The following EDA variants were observed in gnomAD, a reference collection of about 807,000 sequenced individuals.
EDA encodes the protein ectodysplasin A, also known as ectodysplasin-A.
EDA carries 2 observed loss-of-function variants against 23.6 expected under a neutral mutation model. The ratio of observed to expected loss-of-function variants is 0.08; its 90% CI spans 0.03 to 0.27. The LOEUF (loss-of-function observed/expected upper bound fraction) is 0.27, where lower values mean the gene tolerates loss of function less well. Ranked by LOEUF, EDA falls within the 10% of genes least tolerant of loss-of-function variation. The probability of loss-of-function intolerance (pLI) is 1.00; values close to 1 mark genes in which losing one functional copy is unlikely to be tolerated. For synonymous variants in EDA, 131 were observed against 132.0 expected, an observed-to-expected ratio of 0.99 and a Z score of 0.05; for missense variants, 229 against 324.2, an observed-to-expected ratio of 0.71 and a Z score of 2.26.
intron 1 of EDA, among the ~76,000 whole-genome samples, chrX:69,679,348 G>C (rs1202875838): frequency 1.1e-4 from 12 of 107,084 alleles, no homozygotes; most frequent in Non-Finnish European, 1.9e-5. Flanking sequence ...AAATGAGTTA[G>C]GGAGGATTCC....
intron 1 of EDA, among the ~76,000 whole-genome samples, chrX:69,742,386 T>C (rs1429621249): frequency 2.7e-5 from 3 of 111,869 alleles, no homozygotes; most frequent in African/African-American, 9.8e-5. Context: ...TCTGTTACAC[T>C]GATCTGGGGA....
chrX:69,709,270 G>A (rs2011869088), intron 1 of EDA, among the ~76,000 whole-genome samples: 1 of 112,143 alleles, frequency 8.9e-6, no homozygotes, highest in African/African-American at 3.2e-5. Context: ...GTGTGCTTCA[G>A]ACCATCTGCA....
At chrX:69,836,072 A>G (rs908341575) in intron 1 of EDA, among the ~76,000 whole-genome samples, 2 of 111,754 alleles carry the variant, frequency 1.8e-5, no homozygotes, top group Non-Finnish European at 3.8e-5. Context: ...ATTGCAGAAC[A>G]GCAAATATTG....
intron 1 of EDA, among the ~76,000 whole-genome samples, chrX:69,636,552 C>A (rs1358070771): frequency 9.2e-6 from 1 of 109,210 alleles, no homozygotes; most frequent in Non-Finnish European, 1.9e-5. Flanking sequence ...AACCCCTCTG[C>A]TAAACCCCTT....
intron 2 of EDA, among the ~76,000 whole-genome samples, chrX:69,972,052 G>A (rs2019255342): frequency 9.1e-6 from 1 of 110,418 alleles, no homozygotes; most frequent in Admixed American, 9.6e-5. Context: ...TGAGGGAGAA[G>A]CCTTCAGGCT....
At chrX:69,789,155 G>T (rs774195634) in intron 1 of EDA, among the ~76,000 whole-genome samples, 20 of 112,176 alleles carry the variant, frequency 1.8e-4, no homozygotes, top group African/African-American at 6.5e-4. Context: ...TTGGGCTCAT[G>T]CATGGTGCGT....
intron 1 of EDA, among the ~76,000 whole-genome samples, chrX:69,667,053 C>T (rs1933705315): frequency 9.1e-6 from 1 of 109,688 alleles, no homozygotes; most frequent in Non-Finnish European, 1.9e-5. Flanking sequence ...TTTATTTCCT[C>T]TAGGTTATCC....
At chrX:69,834,228 T>C (rs1356411023) in intron 1 of EDA, among the ~76,000 whole-genome samples, 1 of 110,756 alleles carries the variant, frequency 9.0e-6, no homozygotes, top group Admixed American at 9.7e-5. Context: ...GTCCGCTTGT[T>C]GCAGAGCTGA....
chrX:70,029,053 A>C (rs999166031), intron 4 of EDA, among the ~76,000 whole-genome samples: 1 of 112,831 alleles, frequency 8.9e-6, no homozygotes, highest in Non-Finnish European at 1.9e-5. Flanking sequence ...ATATTGATAC[A>C]TGGTCCCTTT....
In EDA at chrX:70,018,519, G is replaced by A. The variant is rs137974256; in HGVS notation, c.503-4699G>A. On this transcript the variant is annotated intron_variant, in intron 2 of 7. Coordinates refer to ENST00000374552, the MANE Select transcript of EDA (RefSeq NM_001399.5). The stretch of plus-strand genomic sequence containing the variant: ...ACAATGGAATAGAATAGGTAGCCCA[G>A]AAATAATGTCACACACCTATGACCA... Among the ~76,000 whole-genome samples the A allele has an allele frequency of 4.9e-3, 547 of 111,617 alleles. 4 individuals are homozygous for A. Among genetic ancestry groups the A allele is most frequent in the African/African-American group, 0.017 (527 of 30,704 alleles).
At chrX:69,995,793 T>C (rs1305817979) in intron 2 of EDA, among the ~76,000 whole-genome samples, 1 of 112,580 alleles carries the variant, frequency 8.9e-6, no homozygotes, top group Admixed American at 9.4e-5. Flanking sequence ...TTTTTGTTTT[T>C]GTTTTTGTTA....
intron 2 of EDA, among the ~76,000 whole-genome samples, chrX:69,972,925 T>C (rs1333236405): frequency 9.0e-6 from 1 of 111,188 alleles, no homozygotes; most frequent in Non-Finnish European, 1.9e-5. Flanking sequence ...AAAATCATTC[T>C]CTTGTAGTTG....
chrX:69,864,271 C>T (rs1213856191), intron 1 of EDA, among the ~76,000 whole-genome samples: 1 of 111,105 alleles, frequency 9.0e-6, no homozygotes, highest in East Asian at 2.8e-4. Context: ...TGGATCACAC[C>T]TGAAAATTGA....
chrX:69,987,311 T>TA (rs1270338172), intron 2 of EDA, among the ~76,000 whole-genome samples: 4 of 101,694 alleles, frequency 3.9e-5, no homozygotes, highest in African/African-American at 7.3e-5. Flanking sequence ...TTTTTTTTTT[T>TA]AAAAATAAAT....
intron 1 of EDA, among the ~76,000 whole-genome samples, chrX:69,952,497 C>T (rs907078102): frequency 9.0e-6 from 1 of 111,468 alleles, no homozygotes; most frequent in African/African-American, 3.3e-5. Context: ...GATTTAGTTG[C>T]CTCCCACCAG....
At chrX:69,813,194 C>T (rs781164908) in intron 1 of EDA, among the ~76,000 whole-genome samples, 97 of 111,841 alleles carry the variant, frequency 8.7e-4, no homozygotes, top group Admixed American at 2.2e-3. Flanking sequence ...ACACATTCTC[C>T]TCAATATGAG....
At chrX:69,789,369 T>G (rs1420127814) in intron 1 of EDA, among the ~76,000 whole-genome samples, 1 of 112,536 alleles carries the variant, frequency 8.9e-6, no homozygotes, top group Non-Finnish European at 1.9e-5. Context: ...TGGTTTTGTT[T>G]CTTAGCAGAA....
chrX:69,616,448 T>A lies in EDA; in HGVS notation c.140T>A (p.Phe47Tyr), dbSNP rs759382712. 1 of 1,210,615 alleles carries A rather than the reference T, an allele frequency of 8.3e-7. No individual in the cohort carries two copies. Among genetic ancestry groups the A allele is most frequent in the Non-Finnish European group, 1.1e-6 (1 of 895,158 alleles). ...AGCTGCCTGCTCTTCCTGGGTTTCTTTGGCCTCTCGCTGGCCCTCCACCTG... is the reference window on the plus strand; with the variant it reads ...AGCTGCCTGCTCTTCCTGGGTTTCTATGGCCTCTCGCTGGCCCTCCACCTG... ...GNSCLLFLGF[F>Y]GLSLALHLLT... The change falls in exon 1 of 8, where the codon TTT becomes TAT. Residue 47 changes from phenylalanine to tyrosine, a missense_variant. By Grantham distance (22) the Phe-to-Tyr change is conservative. Transcript: ENST00000374552.
At chrX:69,995,525 C>T (rs1602593228) in intron 2 of EDA, among the ~76,000 whole-genome samples, 1 of 111,250 alleles carries the variant, frequency 9.0e-6, no homozygotes, top group Admixed American at 9.6e-5. Flanking sequence ...ATGCAGGTTT[C>T]CTGTTGAATC....
Sources: gnomAD v4.1 joint callset for allele counts (sites outside exome capture counted in the v4.1 genomes callset) on GRCh38, gnomAD v4.1.1 for gene constraint, MANE v1.5 for transcripts, NCBI Gene and HGNC (gene_info 2026-07-23, HGNC 2026-07-21) for gene names.